Variants in RAB27B observed in about 807,000 individuals in gnomAD.
RAB27B encodes the protein ras-related protein Rab-27B.
In RAB27B, 15 loss-of-function variants were observed where a neutral mutation model predicts 24.6. The observed-to-expected ratio is 0.61, with a 90% CI of 0.41 to 0.94. The LOEUF (loss-of-function observed/expected upper bound fraction) is 0.94, where lower values mean the gene tolerates loss of function less well. RAB27B is among the 40% of genes least tolerant of loss of function. The pLI is 0.00. For synonymous variants in RAB27B, 105 were observed against 92.5 expected (o/e 1.14, Z -0.78); for missense variants, 261 against 266.8 (o/e 0.98, Z 0.15).
intron 4 of RAB27B, among the ~76,000 whole-genome samples, chr18:54,885,035 G>T (rs1007111685): frequency 6.6e-6 from 1 of 152,072 alleles, no homozygotes; most frequent in Non-Finnish European, 1.5e-5. Context: ...TGGAAACTTC[G>T]ATATAGTACA....
At chr18:54,730,584 C>T (rs192168012) in intron 2 of RAB27B, among the ~76,000 whole-genome samples, 141 of 152,046 alleles carry the variant, frequency 9.3e-4, no homozygotes, top group African/African-American at 2.8e-3. Flanking sequence ...GTTTGGGTCA[C>T]GGGGGTTGAT....
chr18:54,798,751 A>G (rs934353261), intron 2 of RAB27B, among the ~76,000 whole-genome samples: 2 of 152,246 alleles, frequency 1.3e-5, no homozygotes, highest in African/African-American at 4.8e-5. Context: ...CTGTATATCA[A>G]AGATGTACTA....
intron 2 of RAB27B, among the ~76,000 whole-genome samples, chr18:54,738,182 T>G (rs1052875094): frequency 3.9e-5 from 6 of 152,212 alleles, no homozygotes; most frequent in African/African-American, 1.4e-4. Context: ...TTCTCATTAT[T>G]TATTTTATAG....
chr18:54,877,964 C>G (rs1409356690), intron 2 of RAB27B, among the ~76,000 whole-genome samples: 1 of 152,116 alleles, frequency 6.6e-6, no homozygotes. Flanking sequence ...GTGTACAAGG[C>G]AACCCAAATC....
At chr18:54,883,335 C>T (rs1913002957) in intron 3 of RAB27B, among the ~76,000 whole-genome samples, 1 of 152,000 alleles carries the variant, frequency 6.6e-6, no homozygotes, top group Non-Finnish European at 1.5e-5. Context: ...TAAGAGGGGT[C>T]AAGAATAGAC....
intron 2 of RAB27B, among the ~76,000 whole-genome samples, chr18:54,729,476 A>C (rs1181126275): frequency 6.6e-6 from 1 of 152,210 alleles, no homozygotes; most frequent in Non-Finnish European, 1.5e-5. Flanking sequence ...TGACAAGATA[A>C]AATTTGAATG....
chr18:54,820,380 G>A (rs896499023), intron 2 of RAB27B, among the ~76,000 whole-genome samples: 6 of 152,164 alleles, frequency 3.9e-5, no homozygotes, highest in Non-Finnish European at 8.8e-5. Flanking sequence ...GTGATGATGA[G>A]CATTTTTTCA....
At chr18:54,720,312 T>C (rs1022439025) in intron 2 of RAB27B, among the ~76,000 whole-genome samples, 1 of 152,128 alleles carries the variant, frequency 6.6e-6, no homozygotes, top group Non-Finnish European at 1.5e-5. Flanking sequence ...GATATCAATA[T>C]TATACAGATT....
intron 1 of RAB27B, among the ~76,000 whole-genome samples, chr18:54,859,708 G>A (rs1911936239): frequency 6.6e-6 from 1 of 152,168 alleles, no homozygotes; most frequent in African/African-American, 2.4e-5. Context: ...GTAACAGCTG[G>A]GGAGTGAAAC....
At chr18:54,786,709 A>G (rs1299158588) in intron 2 of RAB27B, among the ~76,000 whole-genome samples, 1 of 152,244 alleles carries the variant, frequency 6.6e-6, no homozygotes, top group Non-Finnish European at 1.5e-5. Flanking sequence ...ATTTAAAATC[A>G]CTATGAAACC....
intron 1 of RAB27B, among the ~76,000 whole-genome samples, chr18:54,873,662 A>G (rs1912566943): frequency 6.7e-6 from 1 of 148,352 alleles, no homozygotes; most frequent in Non-Finnish European, 1.5e-5. Flanking sequence ...ACATAATAAT[A>G]AAAAGAGGAG....
At chr18:54,796,249 G>A (rs1385291150) in intron 2 of RAB27B, among the ~76,000 whole-genome samples, 1 of 152,176 alleles carries the variant, frequency 6.6e-6, no homozygotes, top group Admixed American at 6.5e-5. Context: ...AGGGGTGGGT[G>A]TCTGTGACTC....
chr18:54,725,407 C>T (rs926142041), intron 2 of RAB27B, among the ~76,000 whole-genome samples: 10 of 151,432 alleles, frequency 6.6e-5, no homozygotes, highest in Non-Finnish European at 1.0e-4. Flanking sequence ...TTCAATGTAC[C>T]TTACTTACCT....
intron 2 of RAB27B, among the ~76,000 whole-genome samples, chr18:54,753,576 C>T (rs1238742032): frequency 1.3e-5 from 2 of 152,138 alleles, no homozygotes; most frequent in Non-Finnish European, 2.9e-5. Context: ...AGCCAGTCCT[C>T]GTGTAAATCA....
At chr18:54,819,165 CATA>C (rs1188587783) in intron 2 of RAB27B, among the ~76,000 whole-genome samples, 3 of 146,566 alleles carry the variant, frequency 2.0e-5, no homozygotes, top group East Asian at 2.0e-4. Context: ...TATATATTAA[CATA>C]ATTATTAATG....
chr18:54,759,097 A>C (rs1011274338), intron 2 of RAB27B, among the ~76,000 whole-genome samples: 1 of 152,196 alleles, frequency 6.6e-6, no homozygotes, highest in African/African-American at 2.4e-5. Flanking sequence ...GTCAATAAGC[A>C]CATGTTGAAT....
At chr18:54,793,063 G>A (rs1373811596) in intron 2 of RAB27B, among the ~76,000 whole-genome samples, 1 of 150,092 alleles carries the variant, frequency 6.7e-6, no homozygotes, top group Non-Finnish European at 1.5e-5. Flanking sequence ...GACCCATGCA[G>A]TTCAAACCCC....
intron 2 of RAB27B, among the ~76,000 whole-genome samples, chr18:54,751,658 A>G (rs1907834967): frequency 6.6e-6 from 1 of 152,188 alleles, no homozygotes; most frequent in South Asian, 2.1e-4. Context: ...GAGCATATTC[A>G]TGGACTCTAT....
chr18:54,753,209 A>T (rs1907892493), intron 2 of RAB27B, among the ~76,000 whole-genome samples: 1 of 152,160 alleles, frequency 6.6e-6, no homozygotes, highest in Non-Finnish European at 1.5e-5. Context: ...TCATTTAAAA[A>T]ACTCTGAGTT....
Sources: allele counts gnomAD v4.1 joint callset (sites outside exome capture counted in the v4.1 genomes callset), GRCh38; gene constraint gnomAD v4.1.1; transcripts MANE v1.5; gene names NCBI Gene and HGNC (gene_info 2026-07-23, HGNC 2026-07-21).